Variants in LRRC27 observed in about 807,000 individuals in gnomAD.
LRRC27 encodes leucine-rich repeat-containing protein 27.
A neutral mutation model predicts 55.0 loss-of-function variants in LRRC27; 57 were observed. The ratio of observed to expected loss-of-function variants is 1.04; its 90% CI spans 0.84 to 1.29. The LOEUF (loss-of-function observed/expected upper bound fraction) is 1.29. Among genes scored for constraint, LRRC27 ranks in the 50% most tolerant of loss-of-function variants. The pLI, the probability that LRRC27 is intolerant of heterozygous loss-of-function variation, is 0.00. For synonymous variants in LRRC27, 278 were observed against 251.9 expected (o/e 1.10, Z -0.98); for missense variants, 721 against 651.5 (o/e 1.11, Z -1.16).
intron 7 of LRRC27, chr10:132,352,820 G>A (rs1402217114): frequency 1.3e-6 from 2 of 1,581,238 alleles, no homozygotes; most frequent in Middle Eastern, 1.7e-4. Flanking sequence ...TCTTTGCCCT[G>A]GCTTCCTCAC....
At position 132,348,144 on chromosome 10, in the gene LRRC27, A is replaced by C; in HGVS notation, c.714A>C (p.Pro238=). ...KASFLPPVEK[P]DLSELRKSAD... ...GCTTTCTCCCACCTGTGGAAAAGCC[A>C]GACCTGAGTGAACTCAGGAAGTCTG... The change falls in exon 6 of 11, where the codon CCA becomes CCC. Residue 238 remains proline, a synonymous_variant. Coordinates refer to ENST00000368614, the MANE Select transcript of LRRC27 (RefSeq NM_030626.3). This position sits in a 1 kb window ranked among gnomAD's most constrained non-coding sequence, Gnocchi z 4.2. The C allele has an allele frequency of 6.2e-7, 1 of 1,614,122 alleles. No individual in the cohort carries two copies. The highest frequency in any genetic ancestry group is 2.2e-5 in the East Asian group (1 of 44,880).
At chr10:132,366,010 G>T (rs940487550) in intron 10 of LRRC27, among the ~76,000 whole-genome samples, 10 of 152,250 alleles carry the variant, frequency 6.6e-5, no homozygotes, top group East Asian at 3.8e-4. Context: ...ATTACAGTTG[G>T]TCACATGAGA....
chr10:132,333,245 G>C (rs1462899862), intron 1 of LRRC27, among the ~76,000 whole-genome samples: 1 of 151,776 alleles, frequency 6.6e-6, no homozygotes. Flanking sequence ...CGTTTTCCAG[G>C]AGTTAAATCT....
In LRRC27 at chr10:132,332,236, C is replaced by G. The variant is rs1306327580; in HGVS notation, c.-69C>G. 1 of 153,584 alleles carries G rather than the reference C, an allele frequency of 6.5e-6. No individual in the cohort carries two copies. The highest frequency in any genetic ancestry group is 1.4e-5 in the Non-Finnish European group (1 of 69,000). The allele number at this position is 153,584 out of a possible 1,614,324, so 9.5% of individuals were successfully genotyped here. A position where few individuals can be genotyped will look rare whatever the true frequency, so the allele number is the denominator to read the frequency against. ...TCAGCGGCGGGGCTCGCCAGCGCTTCAGTGGGCGGGGACGCGGCAGGTGAG... is the reference window on the plus strand; with the variant it reads ...TCAGCGGCGGGGCTCGCCAGCGCTTGAGTGGGCGGGGACGCGGCAGGTGAG... On this transcript the variant is annotated 5_prime_UTR_variant, in exon 1 of 11. Transcript: ENST00000368614.
chr10:132,365,093 C>T (rs1240649535), intron 9 of LRRC27, among the ~76,000 whole-genome samples: 1 of 152,274 alleles, frequency 6.6e-6, no homozygotes, highest in Admixed American at 6.5e-5. Flanking sequence ...CTTTTCCCTT[C>T]ATGTGGTGCA....
intron 4 of LRRC27, among the ~76,000 whole-genome samples, chr10:132,343,301 C>A (rs1015901115): frequency 6.6e-6 from 1 of 151,972 alleles, no homozygotes; most frequent in Non-Finnish European, 1.5e-5. Context: ...GACAACAGGG[C>A]GAGACCCTCT....
upstream of LRRC27, chr10:132,331,650 C>T (rs2066750419): frequency 1.2e-6 from 2 of 1,612,862 alleles, no homozygotes; most frequent in Non-Finnish European, 1.7e-6. Flanking sequence ...AAAGGTGGTG[C>T]CTCAGCAGCA....
At chr10:132,337,195 C>T in intron 2 of LRRC27, 1 of 1,171,866 alleles carries the variant, frequency 8.5e-7, no homozygotes, top group Non-Finnish European at 1.1e-6. Context: ...TCGGGGGCTG[C>T]CGAGGGCCAG....
chr10:132,344,890 G>A, intron 5 of LRRC27: 2 of 391,438 alleles, frequency 5.1e-6, no homozygotes, highest in Admixed American at 3.8e-5. Context: ...TTTGGTAGAA[G>A]TTTATTGTGA....
rs893141897 is a variant in LRRC27, at chr10:132,377,231, G to A, written c.*1989G>A. The stretch of plus-strand genomic sequence containing the variant: ...CTGCCAGTTCTGTGTTTCAGTTACA[G>A]TGTTTGGCCCTCACATTTAAGGTGC... On this transcript the variant is annotated 3_prime_UTR_variant, in exon 11 of 11. Coordinates refer to ENST00000368614, the MANE Select transcript of LRRC27 (RefSeq NM_030626.3). 1 of 152,208 alleles carries A rather than the reference G, an allele frequency of 6.6e-6. No individual in the cohort carries two copies. The highest frequency in any genetic ancestry group is 6.5e-5 in the Admixed American group (1 of 15,278). The allele number at this position is 152,208 out of a possible 1,614,324, so 9.4% of individuals were successfully genotyped here. A position where few individuals can be genotyped will look rare whatever the true frequency, so the allele number is the denominator to read the frequency against.
chr10:132,337,802 A>G, intron 3 of LRRC27, 107 bp downstream of exon 3: 1 of 1,317,210 alleles, frequency 7.6e-7, no homozygotes, highest in African/African-American at 1.5e-5. Flanking sequence ...ACCTCGGAAT[A>G]GAAACATTTA....
chr10:132,349,494 C>T lies in LRRC27; in HGVS notation c.926+1138C>T, dbSNP rs12246294. 4.9e-3 allele frequency among the ~76,000 whole-genome samples: 748 copies of T among 152,280 alleles called. 2 individuals are homozygous for T. The highest frequency in any genetic ancestry group is 0.017 in the African/African-American group (721 of 41,544). ...CAGCGAGGCCTCGGACGCTCCAGCA[C>T]GCTTGTGGTGTTCTTAGTCCACACA... On this transcript the variant is annotated intron_variant, in intron 6 of 10. Coordinates refer to ENST00000368614, the MANE Select transcript of LRRC27 (RefSeq NM_030626.3).
chr10:132,336,520 G>A lies in LRRC27; in HGVS notation c.211-1045G>A, dbSNP rs527562152. Among the ~76,000 whole-genome samples the A allele has an allele frequency of 2.6e-5, 4 of 152,352 alleles. No homozygotes were observed. In the East Asian group the frequency reaches 5.8e-4, roughly 22 times the overall value. ...TGTCAGTGATTTGGATCAGGGACAC[G>A]GTGTTGAGGGCGGAATGGGGAGGCA... On this transcript the variant is annotated intron_variant, in intron 2 of 10. Transcript: ENST00000368614.
chr10:132,347,081 G>A (rs190318289), intron 5 of LRRC27, among the ~76,000 whole-genome samples: 4 of 152,358 alleles, frequency 2.6e-5, no homozygotes, highest in Non-Finnish European at 5.9e-5. Flanking sequence ...CTCTGAGGTC[G>A]TGTTTTGAGA....
chr10:132,344,925 C>G, intron 5 of LRRC27: 1 of 296,302 alleles, frequency 3.4e-6, no homozygotes, highest in African/African-American at 2.1e-5. Flanking sequence ...CAGTTATCAC[C>G]TCCAAGCCAC....
At chr10:132,344,394 T>C in intron 4 of LRRC27, 104 bp from the exon 5 acceptor site, 1 of 1,233,626 alleles carries the variant, frequency 8.1e-7, no homozygotes, top group Non-Finnish European at 1.1e-6. Context: ...AAATACTGAA[T>C]AGAATCATAT....
chr10:132,344,771 C>T, intron 5 of LRRC27, 121 bp downstream of exon 5: 1 of 1,069,238 alleles, frequency 9.4e-7, no homozygotes, highest in African/African-American at 1.6e-5. Context: ...CATGGGTCCT[C>T]TGCTGAGTTG....
rs535379643 is a variant in LRRC27 at position 132,348,019 on chromosome 10, C to T, written c.589C>T (p.Leu197Phe). Residue 197 changes from leucine (L) to phenylalanine (F), a missense_variant, in exon 6 of 11, where the codon CTC (leucine) becomes TTC (phenylalanine). Leu to Phe is a conservative substitution (Grantham distance 22, BLOSUM62 0). Transcript: ENST00000368614. This position sits in a 1 kb window ranked among gnomAD's most constrained non-coding sequence, Gnocchi z 4.2. Reference sequence around the variant, plus strand: ...GGTTAGAGAGATGACCCTCCGTGACCTCCCGAGCCCAGGACTGGAGTTGTC... The same window carrying T: ...GGTTAGAGAGATGACCCTCCGTGACTTCCCGAGCCCAGGACTGGAGTTGTC... ...PPVREMTLRD[L>F]PSPGLELSGD... The T allele has an allele frequency of 3.1e-6, 5 of 1,612,428 alleles. No individual in the cohort carries two copies. Among genetic ancestry groups the T allele is most frequent in the East Asian group, 4.5e-5 (2 of 44,866 alleles).
chr10:132,352,964 C>T lies in LRRC27; in HGVS notation c.1073+1211C>T, dbSNP rs779936457. The T allele has an allele frequency of 5.0e-6, 8 of 1,613,696 alleles. No homozygotes were observed. The African/African-American group carries it at 8.0e-5, about 16-fold the overall frequency. ...GTTCATTCTTGTGTTGCTGTGACTGCCGCCAGTGCCACCACCTTGCGAGGT... is the reference window on the plus strand; with the variant it reads ...GTTCATTCTTGTGTTGCTGTGACTGTCGCCAGTGCCACCACCTTGCGAGGT... On this transcript the variant is annotated intron_variant, in intron 7 of 10. Coordinates refer to ENST00000368614, the MANE Select transcript of LRRC27 (RefSeq NM_030626.3).
Sources: gnomAD v4.1 joint callset for allele counts (sites outside exome capture counted in the v4.1 genomes callset) on GRCh38, gnomAD v4.1.1 for gene constraint, Gnocchi (gnomAD v3.1) non-coding constraint, MANE v1.5 for transcripts, NCBI Gene and HGNC (gene_info 2026-07-23, HGNC 2026-07-21) for gene names.